The following CCDC191 variants were observed in gnomAD, a reference collection of about 807,000 sequenced individuals.
CCDC191 encodes the protein coiled-coil domain-containing protein 191.
Under a neutral mutation model 114.0 loss-of-function variants are expected in CCDC191, and 99 were observed. The observed-to-expected ratio is 0.87, with a 90% confidence interval of 0.74 to 1.03. The LOEUF is 1.03. Among genes scored for constraint, CCDC191 ranks in the 50% least tolerant of loss-of-function variants. The pLI is 0.00. For synonymous variants in CCDC191, 351 were observed against 376.0 expected (o/e 0.93, Z 0.77); for missense variants, 973 against 1,087.0 (o/e 0.90, Z 1.47).
At chr3:113,989,294 C>G (rs1279870405) in intron 13 of CCDC191, among the ~76,000 whole-genome samples, 1 of 152,160 alleles carries the variant, frequency 6.6e-6, no homozygotes, top group South Asian at 2.1e-4. Context: ...GTAAAACATA[C>G]TCAAACAATG....
intron 13 of CCDC191, among the ~76,000 whole-genome samples, chr3:113,986,553 CAAA>C (rs2075365334): frequency 6.6e-6 from 1 of 152,056 alleles, no homozygotes; most frequent in Non-Finnish European, 1.5e-5. Flanking sequence ...AAATCAAAGA[CAAA>C]GAAAAAGTCT....
At chr3:114,007,935 G>A (rs1212902019) in intron 9 of CCDC191, among the ~76,000 whole-genome samples, 3 of 151,044 alleles carry the variant, frequency 2.0e-5, no homozygotes, top group Non-Finnish European at 4.4e-5. Context: ...ATTATCATTT[G>A]CTCCATTTTT....
intron 13 of CCDC191, among the ~76,000 whole-genome samples, chr3:113,986,386 TG>T (rs1444778266): frequency 6.6e-6 from 1 of 152,110 alleles, no homozygotes. Flanking sequence ...AGAAAAAGAA[TG>T]GGGTAAGTGA....
chr3:114,030,538 A>G (rs1295305719), intron 7 of CCDC191, among the ~76,000 whole-genome samples: 1 of 152,152 alleles, frequency 6.6e-6, no homozygotes, highest in Non-Finnish European at 1.5e-5. Context: ...CAAGTCTTAC[A>G]TTTCTCCCTA....
At chr3:114,017,376 G>A (rs537180748) in intron 8 of CCDC191, among the ~76,000 whole-genome samples, 37 of 152,202 alleles carry the variant, frequency 2.4e-4, no homozygotes, top group Middle Eastern at 3.4e-3. Flanking sequence ...TTCTTGCCAC[G>A]TTCTCAGCAG....
Position 114,005,518 on chromosome 3 carries a change from T to A in CCDC191, c.1858A>T (p.Met620Leu), listed in dbSNP as rs1271638825. 1.2e-6 allele frequency: 2 copies of A among 1,608,108 alleles called. No individual in the cohort carries two copies. The highest frequency in any genetic ancestry group is 2.7e-5 in the African/African-American group (2 of 74,308). ...ATAGAACAGACATACTTCACAAGCATCTGGCAGGTTCTTGGTTCCTCTTCT... is the reference window on the plus strand; with the variant it reads ...ATAGAACAGACATACTTCACAAGCAACTGGCAGGTTCTTGGTTCCTCTTCT... The part of the protein sequence containing the change: ...PREEEPRTCQ[M>L]LVNSPVASPG... Residue 620 changes from methionine to leucine, a missense_variant, in exon 10 of 17, where the codon ATG (methionine) becomes TTG (leucine). Met to Leu is a conservative substitution (Grantham distance 15, BLOSUM62 2). Transcript: ENST00000295878.
intron 16 of CCDC191, among the ~76,000 whole-genome samples, chr3:113,967,744 C>A (rs1940358530): frequency 6.6e-6 from 1 of 152,178 alleles, no homozygotes. Flanking sequence ...TTGCTTCTAT[C>A]TAACTGTATA....
intron 2 of CCDC191, among the ~76,000 whole-genome samples, chr3:114,048,557 T>A (rs2076660496): frequency 6.6e-6 from 1 of 152,198 alleles, no homozygotes; most frequent in Non-Finnish European, 1.5e-5. Context: ...GCCTTTGTAC[T>A]TGCTTATCCT....
chr3:114,046,040 T>A (rs544525731), intron 3 of CCDC191, among the ~76,000 whole-genome samples: 1 of 152,194 alleles, frequency 6.6e-6, no homozygotes, highest in African/African-American at 2.4e-5. Context: ...CAAATGGAAG[T>A]TGGCTTGTAG....
intron 7 of CCDC191, among the ~76,000 whole-genome samples, chr3:114,020,833 A>G (rs1265314935): frequency 6.6e-6 from 1 of 152,168 alleles, no homozygotes; most frequent in Non-Finnish European, 1.5e-5. Context: ...AACATAATCC[A>G]TCTTGATAAT....
intron 13 of CCDC191, among the ~76,000 whole-genome samples, chr3:113,988,496 C>T (rs191234778): frequency 7.0e-4 from 106 of 151,324 alleles, no homozygotes; most frequent in African/African-American, 2.4e-3. Flanking sequence ...CGTGGTGGTG[C>T]GTGCCTGTAA....
chr3:114,041,579 C>T (rs563685146), intron 4 of CCDC191, among the ~76,000 whole-genome samples: 28 of 152,270 alleles, frequency 1.8e-4, no homozygotes, highest in African/African-American at 6.5e-4. Context: ...GTTAGGGACA[C>T]TGTAGAAGAT....
chr3:114,031,509 T>G, intron 7 of CCDC191, 117 bp downstream of exon 7: 1 of 837,798 alleles, frequency 1.2e-6, no homozygotes, highest in African/African-American at 1.7e-5. Flanking sequence ...GCGTGGGCAG[T>G]TTTGGTATTT....
intron 5 of CCDC191, among the ~76,000 whole-genome samples, chr3:114,036,157 G>C (rs887459838): frequency 1.3e-5 from 2 of 152,086 alleles, no homozygotes; most frequent in Admixed American, 6.6e-5. Context: ...AGCTGAACTT[G>C]ATTCAATTCA....
At chr3:113,974,260 G>C (rs1577318152) in intron 16 of CCDC191, among the ~76,000 whole-genome samples, 1 of 151,230 alleles carries the variant, frequency 6.6e-6, no homozygotes, top group Middle Eastern at 3.4e-3. Context: ...TCTCATTAGG[G>C]TTAGTCACTG....
At chr3:114,056,027 A>AAAG (rs1559940493) in intron 1 of CCDC191, among the ~76,000 whole-genome samples, 1 of 151,858 alleles carries the variant, frequency 6.6e-6, no homozygotes, top group African/African-American at 2.4e-5. Flanking sequence ...AAAAAAAAAA[A>AAAG]AGAGAGAGAA....
rs555829773 is a variant in CCDC191, at chr3:114,022,255, A to T, written c.973-3387T>A. Among the ~76,000 whole-genome samples the T allele has an allele frequency of 2.6e-5, 4 of 152,238 alleles. No individual in the cohort carries two copies. The South Asian group carries it at 8.3e-4, about 32-fold the overall frequency. On this transcript the variant is annotated intron_variant, in intron 7 of 16. Coordinates refer to ENST00000295878, the MANE Select transcript of CCDC191 (RefSeq NM_020817.2). ...TTGCCCTCGTTCTGTTAGCCAGAAA[A>T]GCTCTTCCCTGAAGTGTAATCACAC... is the stretch of plus-strand genomic sequence containing the variant.
intron 15 of CCDC191, 40 bp from the exon 16 acceptor site, chr3:113,978,371 T>C: frequency 1.2e-6 from 2 of 1,601,300 alleles, no homozygotes; most frequent in Non-Finnish European, 1.7e-6. Context: ...ACAAAAAATA[T>C]CAGTTGACAA....
chr3:114,034,825 GT>G, intron 6 of CCDC191, 99 bp downstream of exon 6: 1 of 927,786 alleles, frequency 1.1e-6, no homozygotes, highest in South Asian at 1.6e-5. Context: ...TCTCTTCTAT[GT>G]TTTGTTATTG....
Sources: allele counts gnomAD v4.1 joint callset (sites outside exome capture counted in the v4.1 genomes callset), GRCh38; gene constraint gnomAD v4.1.1; transcripts MANE v1.5; gene names NCBI Gene and HGNC (gene_info 2026-07-23, HGNC 2026-07-21).